Variants in SMG9 observed in about 807,000 individuals in gnomAD.
The protein encoded by SMG9 is nonsense-mediated mRNA decay factor SMG9.
SMG9 carries 55 observed loss-of-function variants against 64.0 expected under a neutral mutation model. The ratio of observed to expected loss-of-function variants is 0.86; its 90% CI spans 0.69 to 1.08. The LOEUF is 1.08. SMG9 is among the 50% of genes least tolerant of loss of function. SMG9 has a pLI of 0.00. For synonymous variants in SMG9, 244 were observed against 254.8 expected, an observed-to-expected ratio of 0.96 and a Z score of 0.41; for missense variants, 554 against 681.3, an observed-to-expected ratio of 0.81 and a Z score of 2.08.
intron 7 of SMG9, 137 bp from the exon 8 acceptor site, chr19:43,738,354 G>T: frequency 1.4e-6 from 1 of 699,880 alleles, no homozygotes. Flanking sequence ...GCAAAAGGAA[G>T]TTAAAGAAAA....
Position 43,744,764 on chromosome 19 carries a change from C to T in SMG9, c.701+8G>A, listed in dbSNP as rs1447345800. 6.2e-7 allele frequency: 1 copy of T among 1,608,784 alleles called. No individual in the cohort carries two copies. Among genetic ancestry groups the T allele is most frequent in the East Asian group, 2.2e-5 (1 of 44,738 alleles). ...CTCCCTCCTGCACCCTATCTGATAG[C>T]CCCTCACCTCTGGTCCTCCTCTGGA... On this transcript the variant is annotated splice_region_variant and intron_variant, in intron 6 of 13. Coordinates refer to ENST00000270066, the MANE Select transcript of SMG9 (RefSeq NM_019108.4).
At chr19:43,753,513 T>A (rs892691450) in intron 1 of SMG9, among the ~76,000 whole-genome samples, 1 of 144,666 alleles carries the variant, frequency 6.9e-6, no homozygotes, top group African/African-American at 2.6e-5. Context: ...CAGGCTGGAG[T>A]GCAGTGGCAC....
intron 6 of SMG9, among the ~76,000 whole-genome samples, chr19:43,743,404 T>G (rs2146387800): frequency 6.6e-6 from 1 of 152,232 alleles, no homozygotes; most frequent in Admixed American, 6.5e-5. Context: ...CCAACAGTGG[T>G]CTTCACCTTT....
Position 43,747,727 on chromosome 19 carries a change from T to A in SMG9, c.396A>T (p.Pro132=), listed in dbSNP as rs773063806. ...TAPPPPAAPA[P]PKGEKEGQRP... is the part of the protein sequence containing the mutation. ...TCTGCCCCTCCTTCTCCCCCTTGGG[T>A]GGCGCAGGGGCTGCAGGGGGTGGTG... The change falls in exon 4 of 14, where the codon CCA becomes CCT. Residue 132 remains proline (P), a synonymous_variant. Transcript: ENST00000270066. 6.2e-7 allele frequency: 1 copy of A among 1,610,436 alleles called. No homozygotes were observed. Among genetic ancestry groups the A allele is most frequent in the Admixed American group, 1.7e-5 (1 of 59,720 alleles).
In SMG9 at chr19:43,748,614, C is replaced by A. The variant is rs346540; in HGVS notation, c.151-562G>T. 3,099 of 518,546 alleles carry A rather than the reference C, an allele frequency of 6.0e-3. 79 individuals carry two copies. The highest frequency in any genetic ancestry group is 0.055 in the African/African-American group (2,848 of 52,056). 32.1% of individuals were successfully genotyped at this position (518,546 alleles called of 1,614,324 possible). ...TCCTGATCACCTCTGCCTCAGCCCC[C>A]TCCTGCTCTGGCAAAGCTGGCAGGC... On this transcript the variant is annotated intron_variant, in intron 2 of 13. Transcript: ENST00000270066.
chr19:43,747,587 G>C, intron 4 of SMG9, 46 bp downstream of exon 4: 1 of 1,614,060 alleles, frequency 6.2e-7, no homozygotes, highest in Non-Finnish European at 8.5e-7. Flanking sequence ...GAGGATCTGT[G>C]AGGAGACGCC....
chr19:43,753,206 C>A (rs1302059204), intron 1 of SMG9, among the ~76,000 whole-genome samples: 1 of 152,158 alleles, frequency 6.6e-6, no homozygotes, highest in Non-Finnish European at 1.5e-5. Context: ...CTGTTTACAG[C>A]TGCTTAGGGA....
intron 7 of SMG9, among the ~76,000 whole-genome samples, chr19:43,739,208 A>G (rs970857136): frequency 6.6e-6 from 1 of 152,266 alleles, no homozygotes; most frequent in Non-Finnish European, 1.5e-5. Flanking sequence ...AGAAGGCGTT[A>G]GCCAGGCAAA....
intron 2 of SMG9, among the ~76,000 whole-genome samples, chr19:43,749,112 A>C (rs1270048631): frequency 6.6e-6 from 1 of 152,220 alleles, no homozygotes; most frequent in Non-Finnish European, 1.5e-5. Context: ...TTGGTGCTCA[A>C]AACATTTGGA....
intron 5 of SMG9, among the ~76,000 whole-genome samples, chr19:43,746,558 A>T (rs2146396888): frequency 6.6e-6 from 1 of 152,208 alleles, no homozygotes; most frequent in South Asian, 2.1e-4. Flanking sequence ...CAAGGCAATA[A>T]ATGGACTTGA....
chr19:43,738,311 A>G, intron 7 of SMG9, 94 bp from the exon 8 acceptor site: 1 of 1,144,914 alleles, frequency 8.7e-7, no homozygotes. Flanking sequence ...AAACAAGGTC[A>G]GAAACAAAGG....
Position 43,731,641 on chromosome 19 carries a change from C to A in SMG9, c.1518G>T (p.Val506=), listed in dbSNP as rs751027524. The A allele has an allele frequency of 2.5e-6, 4 of 1,614,264 alleles. No homozygotes were observed. In the South Asian group the frequency reaches 4.4e-5, roughly 18 times the overall value. The change falls in exon 14 of 14, where the codon GTG becomes GTT. Residue 506 remains valine, a synonymous_variant. Transcript: ENST00000270066. ...FHYAARIWDG[V]RKSSALAEYS... is the part of the protein sequence containing the mutation. ...ACTCTGCCAGAGCAGAGGACTTTCT[C>A]ACCCCATCCCAGATCCGGGCAGCGT...
chr19:43,731,503 G>A lies in SMG9; in HGVS notation c.*93C>T, dbSNP rs992191813. 90 of 1,575,286 alleles carry A rather than the reference G, an allele frequency of 5.7e-5. No individual in the cohort carries two copies. The highest frequency in any genetic ancestry group is 1.2e-4 in the African/African-American group (9 of 74,072). On this transcript the variant is annotated 3_prime_UTR_variant, in exon 14 of 14. Transcript: ENST00000270066. ...TCCCTCATCCATCAGGCCTGCTGCC[G>A]CTCTCCACCCCAGCGGGGGATGGAC...
intron 10 of SMG9, chr19:43,734,059 G>C: frequency 1.9e-6 from 1 of 525,742 alleles, no homozygotes; most frequent in East Asian, 3.1e-5. Context: ...AGGGAGAACA[G>C]GTGGACGGGG....
At chr19:43,749,266 G>C (rs1333038632) in intron 2 of SMG9, among the ~76,000 whole-genome samples, 1 of 152,142 alleles carries the variant, frequency 6.6e-6, no homozygotes, top group Non-Finnish European at 1.5e-5. Flanking sequence ...AGGCGAGAGA[G>C]GCATTCAGGA....
At chr19:43,735,426 T>G (rs909655352) in intron 9 of SMG9, among the ~76,000 whole-genome samples, 10 of 152,020 alleles carry the variant, frequency 6.6e-5, no homozygotes, top group Admixed American at 1.3e-4. Flanking sequence ...GAGACCAGCC[T>G]GGCCAACATC....
At chr19:43,754,130 C>T (rs1295724917) in intron 1 of SMG9, among the ~76,000 whole-genome samples, 3 of 152,212 alleles carry the variant, frequency 2.0e-5, no homozygotes, top group African/African-American at 7.2e-5. Context: ...TCACACACTC[C>T]CTTCGGGGAT....
At position 43,748,049 on chromosome 19, in the gene SMG9, C is replaced by A; in HGVS notation, c.154G>T (p.Ala52Ser). The A allele has an allele frequency of 6.2e-7, 1 of 1,607,722 alleles. No individual in the cohort carries two copies. ...IAPWERERRDASEETSTSVMQ... is the reference protein window; with the variant it reads ...IAPWERERRDSSEETSTSVMQ... The stretch of plus-strand genomic sequence containing the variant: ...ACGGAAGTGCTTGTCTCTTCGCTGG[C>A]ATCCTGTGGTGAGGGAGGGCAGTTA... Residue 52 changes from alanine to serine, a missense_variant, in exon 3 of 14, where the codon GCC (alanine) becomes TCC (serine). Transcript: ENST00000270066.
chr19:43,731,236 C>T lies in SMG9; in HGVS notation c.*360G>A, dbSNP rs756083054. ...CCCTGCCTCACCTTACAGGGAAGGG[C>T]TTAGAGTCAGGGAAGAGGGGCCTGT... is the stretch of plus-strand genomic sequence containing the variant. On this transcript the variant is annotated 3_prime_UTR_variant, in exon 14 of 14. Coordinates refer to ENST00000270066, the MANE Select transcript of SMG9 (RefSeq NM_019108.4). 1.9e-6 allele frequency: 2 copies of T among 1,080,662 alleles called. No individual in the cohort carries two copies. The highest frequency in any genetic ancestry group is 3.1e-5 in the South Asian group (1 of 31,944). 66.9% of individuals were successfully genotyped at this position (1,080,662 alleles called of 1,614,324 possible). A position where few individuals can be genotyped will look rare whatever the true frequency, so the allele number is the denominator to read the frequency against.
Sources: gnomAD v4.1 joint callset for allele counts (sites outside exome capture counted in the v4.1 genomes callset) on GRCh38, gnomAD v4.1.1 for gene constraint, MANE v1.5 for transcripts, NCBI Gene and HGNC (gene_info 2026-07-23, HGNC 2026-07-21) for gene names.